Variants in FAM149B1 observed in about 807,000 individuals in gnomAD.
FAM149B1 encodes the protein family with sequence similarity 149 member B1, also known as primary cilium assembly protein FAM149B1.
A neutral mutation model predicts 75.3 loss-of-function variants in FAM149B1; 56 were observed. The ratio of observed to expected loss-of-function variants is 0.74; its 90% CI spans 0.60 to 0.93. The LOEUF (loss-of-function observed/expected upper bound fraction) is 0.93, where lower values mean the gene tolerates loss of function less well. FAM149B1 is among the 40% of genes least tolerant of loss of function. The probability of loss-of-function intolerance (pLI) is 0.00; values close to 1 mark genes in which losing one functional copy is unlikely to be tolerated. For synonymous variants in FAM149B1, 259 were observed against 256.1 expected (o/e 1.01, Z -0.11); for missense variants, 639 against 708.4 (o/e 0.90, Z 1.11).
At chr10:73,208,811 T>C (rs1227360820) in intron 6 of FAM149B1, 25 bp downstream of exon 6, 7 of 1,374,900 alleles carry the variant, frequency 5.1e-6, no homozygotes, top group Non-Finnish European at 6.7e-6. Context: ...TTTTAAGCTT[T>C]TTACTCCCCT....
At chr10:73,220,707 T>C (rs2043392993) in intron 7 of FAM149B1, among the ~76,000 whole-genome samples, 1 of 152,086 alleles carries the variant, frequency 6.6e-6, no homozygotes, top group Non-Finnish European at 1.5e-5. Context: ...CTGGTGTCCT[T>C]GTAAGAAGAG....
intron 8 of FAM149B1, among the ~76,000 whole-genome samples, chr10:73,228,556 TTTCC>T (rs962564367): frequency 6.6e-6 from 1 of 152,006 alleles, no homozygotes; most frequent in Admixed American, 6.6e-5. Flanking sequence ...CTTTTGAGTT[TTTCC>T]TTCCTTTTTC....
chr10:73,233,120 GA>G lies in FAM149B1; in HGVS notation c.1312del (p.Thr438HisfsTer29). The G allele has an allele frequency of 6.4e-7, 1 of 1,551,768 alleles. No individual in the cohort carries two copies. The highest frequency in any genetic ancestry group is 2.4e-5 in the East Asian group (1 of 40,922). ...GATCAGCACGAGCCATTCATGTGCT[GA>G]AACACCAAGATCTGTGGAAGAAATC... ...HPISTSHSCA[E>X]TPRSVEEILR... On this transcript the variant is annotated frameshift_variant, in exon 10 of 14. Coordinates refer to ENST00000242505, the MANE Select transcript of FAM149B1 (RefSeq NM_173348.2). LOFTEE classifies it high-confidence loss of function.
At chr10:73,232,829 T>G in intron 9 of FAM149B1, 110 bp from the exon 10 acceptor site, 1 of 663,400 alleles carries the variant, frequency 1.5e-6, no homozygotes, top group Non-Finnish European at 2.6e-6. Context: ...TATTTTTGCT[T>G]TATTTCCCCC....
intron 3 of FAM149B1, among the ~76,000 whole-genome samples, chr10:73,186,917 C>A (rs1456158827): frequency 2.6e-5 from 4 of 152,046 alleles, no homozygotes; most frequent in East Asian, 3.8e-4. Context: ...GAAACAGTTT[C>A]TTTTAAGGGT....
Position 73,193,564 on chromosome 10 carries a change from A to G in FAM149B1, c.513A>G (p.Thr171=). Residue 171 remains threonine, a synonymous_variant, in exon 5 of 14, where the codon ACA becomes ACG. Transcript: ENST00000242505. ...SPSAVSASYE[T]TLSQERDSTI... ...CTGCTGTTTCCGCTTCATATGAAACAACCTTGTCTCAAGAAAGAGATTCTA... is the reference window on the plus strand; with the variant it reads ...CTGCTGTTTCCGCTTCATATGAAACGACCTTGTCTCAAGAAAGAGATTCTA... 1.3e-6 allele frequency: 2 copies of G among 1,551,206 alleles called. No individual in the cohort carries two copies.
chr10:73,172,433 A>G (rs558453985), intron 1 of FAM149B1, among the ~76,000 whole-genome samples: 1 of 152,228 alleles, frequency 6.6e-6, no homozygotes, highest in Non-Finnish European at 1.5e-5. Context: ...TTCATCGCTT[A>G]CTAACCAAAT....
At chr10:73,183,120 A>AG (rs2042440264) in intron 3 of FAM149B1, among the ~76,000 whole-genome samples, 1 of 152,228 alleles carries the variant, frequency 6.6e-6, no homozygotes, top group African/African-American at 2.4e-5. Flanking sequence ...CAGAGACGAG[A>AG]GTTCAGGGTA....
chr10:73,171,503 AT>A (rs1843713548), intron 1 of FAM149B1, among the ~76,000 whole-genome samples: 2 of 152,122 alleles, frequency 1.3e-5, no homozygotes, highest in South Asian at 4.1e-4. Context: ...ACAGCTTAAC[AT>A]TTTTTAATGA....
chr10:73,190,979 G>A (rs1475944230), intron 3 of FAM149B1, among the ~76,000 whole-genome samples: 1 of 152,102 alleles, frequency 6.6e-6, no homozygotes, highest in African/African-American at 2.4e-5. Flanking sequence ...TCAGCCTCCT[G>A]AGTTGCTGAG....
At chr10:73,210,934 T>G (rs1421819782) in intron 7 of FAM149B1, among the ~76,000 whole-genome samples, 1 of 152,068 alleles carries the variant, frequency 6.6e-6, no homozygotes, top group Non-Finnish European at 1.5e-5. Flanking sequence ...CACCAGTAGG[T>G]AGGGTTTTTT....
In FAM149B1 at chr10:73,228,052, T is replaced by C; in HGVS notation, c.899-8T>C. ...TCCATGGATAATATATCCTGTTCCT[T>C]TGCCCAGATGATGAGAGTAATGTTG... On this transcript the variant is annotated splice_polypyrimidine_tract_variant and splice_region_variant and intron_variant, in intron 7 of 13. Transcript: ENST00000242505. 1 of 1,551,594 alleles carries C rather than the reference T, an allele frequency of 6.4e-7. No homozygotes were observed. The highest frequency in any genetic ancestry group is 8.7e-7 in the Non-Finnish European group (1 of 1,146,788).
intron 5 of FAM149B1, among the ~76,000 whole-genome samples, chr10:73,207,905 C>T (rs767340218): frequency 5.9e-5 from 9 of 152,166 alleles, no homozygotes; most frequent in South Asian, 2.1e-4. Context: ...TCAGAGGAGA[C>T]GTGGGACTTT....
At chr10:73,225,665 C>T (rs534550477) in intron 7 of FAM149B1, among the ~76,000 whole-genome samples, 7 of 152,248 alleles carry the variant, frequency 4.6e-5, no homozygotes, top group Non-Finnish European at 1.0e-4. Context: ...TGTTTATAGA[C>T]AGTCCAGTAA....
intron 7 of FAM149B1, among the ~76,000 whole-genome samples, chr10:73,218,658 TGA>T (rs2043345224): frequency 6.6e-6 from 1 of 152,178 alleles, no homozygotes; most frequent in South Asian, 2.1e-4. Flanking sequence ...CTTAATCTCT[TGA>T]GAGAACCCTT....
At chr10:73,172,102 T>C (rs1019851653) in intron 1 of FAM149B1, among the ~76,000 whole-genome samples, 2 of 151,670 alleles carry the variant, frequency 1.3e-5, no homozygotes, top group Non-Finnish European at 2.9e-5. Context: ...GTTATCTAAT[T>C]GTCAATTCAT....
At chr10:73,169,281 C>G (rs568423401) in intron 1 of FAM149B1, among the ~76,000 whole-genome samples, 195 of 151,954 alleles carry the variant, frequency 1.3e-3, no homozygotes, top group Admixed American at 4.4e-3. Flanking sequence ...GCAGAGGTCA[C>G]GCCATCGCAC....
chr10:73,240,715 A>C (rs557597389), intron 13 of FAM149B1, among the ~76,000 whole-genome samples: 22 of 134,312 alleles, frequency 1.6e-4, no homozygotes, highest in Admixed American at 7.3e-4. Context: ...CTCCACCTCC[A>C]AAAAAAAAAA....
chr10:73,232,776 T>C (rs1399577178), intron 9 of FAM149B1, among the ~76,000 whole-genome samples, 163 bp from the exon 10 acceptor site: 2 of 152,236 alleles, frequency 1.3e-5, no homozygotes, highest in Non-Finnish European at 2.9e-5. Context: ...ATGCCTGAGC[T>C]AGAGTACCAT....
Sources: gnomAD v4.1 joint callset for allele counts (sites outside exome capture counted in the v4.1 genomes callset) on GRCh38, gnomAD v4.1.1 for gene constraint, MANE v1.5 for transcripts, NCBI Gene and HGNC (gene_info 2026-07-23, HGNC 2026-07-21) for gene names.